The following LPP variants were observed in gnomAD, a reference collection of about 807,000 sequenced individuals.
LPP encodes the protein lipoma-preferred partner.
In LPP, 38 loss-of-function variants were observed where a neutral mutation model predicts 60.4. The observed-to-expected ratio is 0.63, with a 90% CI of 0.49 to 0.83. LPP has a LOEUF of 0.83. LPP is among the 40% of genes least tolerant of loss of function. The pLI is 0.00. For synonymous variants in LPP, 328 were observed against 290.8 expected (o/e 1.13, Z -1.30); for missense variants, 902 against 783.6 (o/e 1.15, Z -1.80).
At chr3:188,755,666 C>T (rs1729899443) in intron 8 of LPP, among the ~76,000 whole-genome samples, 1 of 151,642 alleles carries the variant, frequency 6.6e-6, no homozygotes. Flanking sequence ...ATTAGCTGGG[C>T]TTGGTGGCGT....
At chr3:188,473,790 C>G (rs1802454747) in intron 4 of LPP, among the ~76,000 whole-genome samples, 1 of 152,110 alleles carries the variant, frequency 6.6e-6, no homozygotes, top group Admixed American at 6.5e-5. Flanking sequence ...TATACATATA[C>G]TGGGTAAGGC....
intron 2 of LPP, among the ~76,000 whole-genome samples, chr3:188,242,322 G>C: frequency 6.6e-6 from 1 of 151,762 alleles, no homozygotes; most frequent in Non-Finnish European, 1.5e-5. Flanking sequence ...TTTTAGTTGT[G>C]TCTCTGCTTG....
chr3:188,422,072 G>A (rs1033561930), intron 4 of LPP, among the ~76,000 whole-genome samples: 38 of 152,148 alleles, frequency 2.5e-4, no homozygotes, highest in African/African-American at 9.2e-4. Context: ...TTCTCATGGG[G>A]CTAGTACCAG....
chr3:188,297,045 G>GA (rs1459041929), intron 2 of LPP, among the ~76,000 whole-genome samples: 1 of 152,136 alleles, frequency 6.6e-6, no homozygotes, highest in Non-Finnish European at 1.5e-5. Context: ...TCCTTTAGGG[G>GA]AAAAAAGTGG....
At chr3:188,435,682 G>C (rs1212390452) in intron 4 of LPP, among the ~76,000 whole-genome samples, 2 of 151,870 alleles carry the variant, frequency 1.3e-5, no homozygotes, top group African/African-American at 4.8e-5. Flanking sequence ...CACATTTTTG[G>C]GGATATTGGA....
chr3:188,543,684 A>G (rs1327197053), intron 6 of LPP, among the ~76,000 whole-genome samples: 1 of 152,190 alleles, frequency 6.6e-6, no homozygotes, highest in Admixed American at 6.5e-5. Context: ...AGCAATAGGT[A>G]GAGTTTGATT....
chr3:188,450,561 A>G (rs6783523), intron 4 of LPP, among the ~76,000 whole-genome samples: 86 of 152,240 alleles, frequency 5.6e-4, no homozygotes, highest in African/African-American at 2.0e-3. Flanking sequence ...CCTGACCAAC[A>G]TGGTGAAACT....
At chr3:188,861,218 C>T (rs1270778752) in intron 9 of LPP, among the ~76,000 whole-genome samples, 1 of 152,126 alleles carries the variant, frequency 6.6e-6, no homozygotes, top group African/African-American at 2.4e-5. Flanking sequence ...AGTGTAATCT[C>T]TAAAGACTTT....
chr3:188,227,725 T>C (rs1718343945), intron 2 of LPP, among the ~76,000 whole-genome samples: 1 of 152,176 alleles, frequency 6.6e-6, no homozygotes, highest in Non-Finnish European at 1.5e-5. Flanking sequence ...TTTTACCTCA[T>C]GGGCCATGAG....
rs569172032 is a variant in LPP at position 188,446,431 on chromosome 3, A to G, written c.194-38161A>G. Reference sequence around the variant, plus strand: ...TCAGCCTTTTCTTTTTAAAAGTGTCATTGTAACCTGTTGGTTACTGTGTAT... The same window carrying G: ...TCAGCCTTTTCTTTTTAAAAGTGTCGTTGTAACCTGTTGGTTACTGTGTAT... On this transcript the variant is annotated intron_variant, in intron 4 of 11. Coordinates refer to ENST00000617246, the MANE Select transcript of LPP (RefSeq NM_001375462.1). Among the ~76,000 whole-genome samples, 92 of 152,332 alleles carry G rather than the reference A, an allele frequency of 6.0e-4. 1 individual carries two copies. The highest frequency in any genetic ancestry group is 2.0e-3 in the African/African-American group (85 of 41,578).
chr3:188,762,647 G>A (rs1326131153), intron 9 of LPP, among the ~76,000 whole-genome samples: 5 of 152,130 alleles, frequency 3.3e-5, no homozygotes, highest in Non-Finnish European at 7.4e-5. Flanking sequence ...TAGGATGCCA[G>A]CCCCTTCTTC....
At chr3:188,622,618 G>GTGTTCATC (rs1846006599) in intron 7 of LPP, among the ~76,000 whole-genome samples, 1 of 151,950 alleles carries the variant, frequency 6.6e-6, no homozygotes. Context: ...GATGCCAAAG[G>GTGTTCATC]ACATACAATG....
chr3:188,250,734 CTT>C (rs1460102007), intron 2 of LPP, among the ~76,000 whole-genome samples: 4 of 80,542 alleles, frequency 5.0e-5, no homozygotes, highest in East Asian at 3.4e-4. Flanking sequence ...CTCTTTCTTT[CTT>C]TCTTTCTTTC....
intron 4 of LPP, among the ~76,000 whole-genome samples, chr3:188,415,097 C>T (rs915959386): frequency 2.6e-5 from 4 of 152,012 alleles, no homozygotes; most frequent in Non-Finnish European, 5.9e-5. Context: ...ATAATTAATG[C>T]TGATTTGTGT....
intron 7 of LPP, among the ~76,000 whole-genome samples, chr3:188,696,064 A>AGT (rs140765965): frequency 9.9e-5 from 15 of 152,114 alleles, no homozygotes; most frequent in Non-Finnish European, 1.8e-4. Flanking sequence ...TAAATAATCT[A>AGT]GTGTGTGTGT....
chr3:188,762,916 G>A (rs1732873068), intron 9 of LPP, among the ~76,000 whole-genome samples: 3 of 152,002 alleles, frequency 2.0e-5, no homozygotes, highest in Admixed American at 6.5e-5. Context: ...ATATTGATTC[G>A]AGTTCAGCAC....
chr3:188,421,541 C>T (rs1787799068), intron 4 of LPP, among the ~76,000 whole-genome samples: 1 of 152,130 alleles, frequency 6.6e-6, no homozygotes, highest in South Asian at 2.1e-4. Context: ...ACCTAGTTGG[C>T]CAAAGTCTCT....
At chr3:188,872,553 A>G in intron 10 of LPP, 90 bp from the exon 11 acceptor site, 1 of 1,439,618 alleles carries the variant, frequency 6.9e-7, no homozygotes, top group Non-Finnish European at 9.7e-7. Flanking sequence ...AGGTATACCG[A>G]CTCTCAGTTT....
chr3:188,871,030 C>A (rs1244326107), intron 10 of LPP, among the ~76,000 whole-genome samples: 1 of 152,054 alleles, frequency 6.6e-6, no homozygotes, highest in Non-Finnish European at 1.5e-5. Context: ...AGAGATGGAG[C>A]AAAGTCCTAT....
Sources: allele counts gnomAD v4.1 joint callset (sites outside exome capture counted in the v4.1 genomes callset), GRCh38; gene constraint gnomAD v4.1.1; transcripts MANE v1.5; gene names NCBI Gene and HGNC (gene_info 2026-07-23, HGNC 2026-07-21).